Variants in STK3 observed in about 807,000 individuals in gnomAD.
STK3 encodes serine/threonine-protein kinase 3.
STK3 carries 41 observed loss-of-function variants against 58.0 expected under a neutral mutation model. The observed-to-expected ratio is 0.71, with a 90% CI of 0.55 to 0.92. The LOEUF is 0.92. Among genes scored for constraint, STK3 ranks in the 40% least tolerant of loss-of-function variants. The pLI is 0.00. For synonymous variants in STK3, 170 were observed against 191.0 expected (o/e 0.89, Z 0.91); for missense variants, 479 against 602.7 (o/e 0.79, Z 2.15).
intron 1 of STK3, among the ~76,000 whole-genome samples, chr8:98,934,862 A>G (rs1191498714): frequency 6.6e-6 from 1 of 151,930 alleles, no homozygotes; most frequent in African/African-American, 2.4e-5. Context: ...AGTTGCAATG[A>G]GCTGAGATTG....
At chr8:98,604,102 A>T (rs1472688888) in intron 6 of STK3, among the ~76,000 whole-genome samples, 1 of 152,196 alleles carries the variant, frequency 6.6e-6, no homozygotes, top group Non-Finnish European at 1.5e-5. Context: ...TGCTTTGAAG[A>T]TAAAGGAAGA....
At position 98,629,736 on chromosome 8, in the gene STK3, G is replaced by A. The variant is rs370414722; in HGVS notation, c.685-33567C>T. On this transcript the variant is annotated intron_variant, in intron 6 of 10. Coordinates refer to ENST00000419617, the MANE Select transcript of STK3 (RefSeq NM_006281.4). ...AGAAACTGTTTTCACTTTGTTTTCC[G>A]TATTCTTGATGGGAACCATGCTGAC... is the stretch of plus-strand genomic sequence containing the variant. Among the ~76,000 whole-genome samples the A allele has an allele frequency of 7.4e-4, 113 of 152,248 alleles. 2 individuals carry two copies. In the South Asian group the frequency reaches 0.022, roughly 30 times the overall value.
At chr8:98,824,938 C>G (rs1835153860) in intron 1 of STK3, among the ~76,000 whole-genome samples, 1 of 152,202 alleles carries the variant, frequency 6.6e-6, no homozygotes, top group Admixed American at 6.5e-5. Flanking sequence ...CTAGATTTGG[C>G]TTCCTAAGAT....
intron 1 of STK3, among the ~76,000 whole-genome samples, chr8:98,885,026 TA>T (rs1187760362): frequency 6.6e-6 from 1 of 152,184 alleles, no homozygotes; most frequent in Non-Finnish European, 1.5e-5. Flanking sequence ...ACAGATGAAA[TA>T]AATCTCAAAC....
At chr8:98,588,333 G>T (rs371077198) in intron 7 of STK3, among the ~76,000 whole-genome samples, 8 of 151,510 alleles carry the variant, frequency 5.3e-5, no homozygotes, top group East Asian at 1.9e-4. Flanking sequence ...GTCTGTAAAG[G>T]ATTTTATTTC....
intron 10 of STK3, among the ~76,000 whole-genome samples, chr8:98,494,160 A>T (rs1822933079): frequency 6.6e-6 from 1 of 152,136 alleles, no homozygotes; most frequent in Non-Finnish European, 1.5e-5. Context: ...TAAGGTATAA[A>T]CGCTGCTGCC....
intron 4 of STK3, among the ~76,000 whole-genome samples, chr8:98,737,871 C>G (rs1280776898): frequency 6.6e-6 from 1 of 152,086 alleles, no homozygotes; most frequent in Non-Finnish European, 1.5e-5. Context: ...GCACACCCAG[C>G]TAATTTTTTT....
At chr8:98,468,994 A>C (rs2131212542) in intron 10 of STK3, among the ~76,000 whole-genome samples, 1 of 152,266 alleles carries the variant, frequency 6.6e-6, no homozygotes. Flanking sequence ...CTGTAGTCCC[A>C]GCTACTCGGG....
chr8:98,444,626 G>A (rs1171312831), intron 1 of STK3, among the ~76,000 whole-genome samples: 4 of 152,140 alleles, frequency 2.6e-5, no homozygotes, highest in Non-Finnish European at 4.4e-5. Context: ...GGGGACTCCC[G>A]GGTTTCTAGC....
chr8:98,460,596 T>G (rs758055379), intron 10 of STK3, among the ~76,000 whole-genome samples: 2 of 152,176 alleles, frequency 1.3e-5, no homozygotes, highest in Non-Finnish European at 2.9e-5. Context: ...CATCTTGAAG[T>G]GTAATCTCCA....
At chr8:98,764,786 T>A (rs1281428961) in intron 3 of STK3, among the ~76,000 whole-genome samples, 1 of 152,108 alleles carries the variant, frequency 6.6e-6, no homozygotes. Flanking sequence ...AAGACTTAGA[T>A]GATAGAGAAT....
intron 10 of STK3, among the ~76,000 whole-genome samples, chr8:98,493,002 G>C (rs1045995516): frequency 6.6e-6 from 1 of 151,706 alleles, no homozygotes; most frequent in African/African-American, 2.4e-5. Flanking sequence ...AGGCCAAGGC[G>C]GGAGGATTGC....
chr8:98,903,366 AT>A (rs967589339), intron 1 of STK3, among the ~76,000 whole-genome samples: 8 of 151,450 alleles, frequency 5.3e-5, no homozygotes, highest in South Asian at 2.1e-4. Flanking sequence ...AATGGGGATG[AT>A]TTTTTTTTCT....
At chr8:98,383,177 T>G (rs1817755775) in intron 1 of STK3, among the ~76,000 whole-genome samples, 2 of 152,226 alleles carry the variant, frequency 1.3e-5, no homozygotes, top group African/African-American at 4.8e-5. Context: ...CAATTTCTAC[T>G]TGTCTTCTGT....
intron 1 of STK3, among the ~76,000 whole-genome samples, chr8:98,784,869 G>A (rs1832361036): frequency 6.6e-6 from 1 of 152,066 alleles, no homozygotes; most frequent in Non-Finnish European, 1.5e-5. Flanking sequence ...CAAATCTCCA[G>A]GCATTCAGAG....
chr8:98,680,687 A>C (rs1823566251), intron 6 of STK3, among the ~76,000 whole-genome samples: 1 of 152,204 alleles, frequency 6.6e-6, no homozygotes, highest in Non-Finnish European at 1.5e-5. Flanking sequence ...GTAAAGCACA[A>C]TTTTTTCTCT....
At chr8:98,549,344 T>G (rs980003571) in intron 8 of STK3, among the ~76,000 whole-genome samples, 2 of 152,196 alleles carry the variant, frequency 1.3e-5, no homozygotes, top group African/African-American at 4.8e-5. Context: ...GATCTGCATC[T>G]CCCTAATGAC....
intron 10 of STK3, among the ~76,000 whole-genome samples, chr8:98,518,375 C>G (rs913932004): frequency 1.3e-5 from 2 of 152,004 alleles, no homozygotes; most frequent in Non-Finnish European, 2.9e-5. Context: ...TTAAACAGCA[C>G]CATTAGGAAT....
intron 1 of STK3, among the ~76,000 whole-genome samples, chr8:98,919,410 C>T (rs547580907): frequency 5.6e-4 from 85 of 152,092 alleles, no homozygotes; most frequent in African/African-American, 1.7e-3. Flanking sequence ...TCAGAAAAAC[C>T]GCTGTCAGTT....
Sources: allele counts gnomAD v4.1 joint callset (sites outside exome capture counted in the v4.1 genomes callset), GRCh38; gene constraint gnomAD v4.1.1; transcripts MANE v1.5; gene names NCBI Gene and HGNC (gene_info 2026-07-23, HGNC 2026-07-21).